CD36: variants seen among roughly 807,000 people sequenced by gnomAD.
CD36 encodes the protein CD36 molecule (CD36 blood group).
CD36 carries 119 observed loss-of-function variants against 55.2 expected under a neutral mutation model. That is an observed-to-expected ratio of 2.15 (90% CI 1.86 to 2.51). The LOEUF (loss-of-function observed/expected upper bound fraction) is 2.51, where lower values mean the gene tolerates loss of function less well. Ranked by LOEUF, CD36 falls within the 30% of genes most tolerant of loss-of-function variation. The probability of loss-of-function intolerance (pLI) is 0.00; values close to 1 mark genes in which losing one functional copy is unlikely to be tolerated. For synonymous variants in CD36, 186 were observed against 193.6 expected (o/e 0.96, Z 0.33); for missense variants, 819 against 555.5 (o/e 1.47, Z -4.77).
In CD36 at chr7:80,663,063, C is replaced by CTATG; in HGVS notation, c.505_508dup (p.Phe170TyrfsTer15). 1.2e-6 allele frequency: 2 copies of CTATG among 1,613,302 alleles called. No individual in the cohort carries two copies. Among genetic ancestry groups the CTATG allele is most frequent in the African/African-American group, 2.7e-5 (2 of 75,002 alleles). On this transcript the variant is annotated frameshift_variant, in exon 6 of 15. Transcript: ENST00000447544. LOFTEE classifies it high-confidence loss of function. The stretch of plus-strand genomic sequence containing the variant: ...TCACTTATTAACAAGTCAAAATCTT[C>CTATG]TATGTTCCAAGTCAGAACTTTGAGA...
chr7:80,640,541 A>G (rs901090245), intron 1 of CD36, among the ~76,000 whole-genome samples: 1 of 152,002 alleles, frequency 6.6e-6, no homozygotes, highest in Non-Finnish European at 1.5e-5. Flanking sequence ...CCAGAACTGA[A>G]TCTACATTTC....
intron 1 of CD36, among the ~76,000 whole-genome samples, chr7:80,631,002 C>T (rs1325620543): frequency 6.6e-6 from 1 of 152,050 alleles, no homozygotes; most frequent in Non-Finnish European, 1.5e-5. Context: ...TGCATACCTA[C>T]ATAACACAGC....
intron 1 of CD36, among the ~76,000 whole-genome samples, chr7:80,642,867 T>C (rs1794911099): frequency 6.6e-6 from 1 of 152,182 alleles, no homozygotes; most frequent in South Asian, 2.1e-4. Context: ...CAATGTTAGA[T>C]TGAGAACTGT....
At chr7:80,673,829 T>C in intron 13 of CD36, 154 bp from the exon 14 acceptor site, 3 of 679,422 alleles carry the variant, frequency 4.4e-6, no homozygotes, top group Non-Finnish European at 7.9e-6. Context: ...TAATTGCCTT[T>C]CTTGACTTGC....
At chr7:80,602,949 C>A (rs1792324474) in intron 1 of CD36, among the ~76,000 whole-genome samples, 8 of 152,060 alleles carry the variant, frequency 5.3e-5, no homozygotes, top group Admixed American at 5.2e-4. Context: ...ACCTAAAAGA[C>A]CAATCTTAAC....
At chr7:80,652,677 C>T (rs1795720319) in intron 3 of CD36, among the ~76,000 whole-genome samples, 1 of 152,028 alleles carries the variant, frequency 6.6e-6, no homozygotes, top group South Asian at 2.1e-4. Context: ...GATTAAATAA[C>T]AGAAAAATAA....
chr7:80,632,308 T>C (rs1330103621), intron 1 of CD36, among the ~76,000 whole-genome samples: 3 of 151,808 alleles, frequency 2.0e-5, no homozygotes, highest in Admixed American at 2.0e-4. Flanking sequence ...ATGTATTATT[T>C]CCTGTGTTTC....
chr7:80,636,406 C>T (rs1260394883), upstream of CD36, among the ~76,000 whole-genome samples: 1 of 151,622 alleles, frequency 6.6e-6, no homozygotes, highest in Non-Finnish European at 1.5e-5. Flanking sequence ...TGATTCATAC[C>T]TTGATAAATC....
chr7:80,669,838 A>C, intron 8 of CD36, 115 bp from the exon 9 acceptor site: 1 of 787,440 alleles, frequency 1.3e-6, no homozygotes, highest in East Asian at 2.4e-5. Context: ...CTGCTAGATA[A>C]ATTACTTAGG....
intron 1 of CD36, among the ~76,000 whole-genome samples, chr7:80,628,035 T>G (rs749307282): frequency 7.2e-5 from 11 of 152,000 alleles, no homozygotes; most frequent in Admixed American, 1.3e-4. Context: ...ACATGCATGA[T>G]GTCTATTAAA....
At chr7:80,652,286 A>G (rs1480571444) in intron 3 of CD36, among the ~76,000 whole-genome samples, 1 of 152,208 alleles carries the variant, frequency 6.6e-6, no homozygotes, top group African/African-American at 2.4e-5. Flanking sequence ...TTTTCATGCC[A>G]AACACAACAT....
At chr7:80,621,496 T>A (rs1421201939) in intron 1 of CD36, among the ~76,000 whole-genome samples, 3 of 152,174 alleles carry the variant, frequency 2.0e-5, no homozygotes. Flanking sequence ...TGGTAATAGG[T>A]GAATAAATAT....
intron 1 of CD36, among the ~76,000 whole-genome samples, chr7:80,639,446 T>G (rs1794666385): frequency 6.6e-6 from 1 of 151,992 alleles, no homozygotes; most frequent in African/African-American, 2.4e-5. Context: ...GGAAGCTTAT[T>G]ACAAATAGTA....
upstream of CD36, among the ~76,000 whole-genome samples, chr7:80,635,111 AAC>A (rs1290989102): frequency 6.6e-6 from 1 of 152,150 alleles, no homozygotes; most frequent in Non-Finnish European, 1.5e-5. Flanking sequence ...GGGGAAGGTT[AAC>A]ACACACTTAA....
rs34516458 is a variant in CD36, at chr7:80,619,653, GA to G, written c.-184+17291del. 3.8e-3 allele frequency among the ~76,000 whole-genome samples: 478 copies of G among 125,956 alleles called. 5 individuals carry two copies. The highest frequency in any genetic ancestry group is 0.014 in the African/African-American group (450 of 33,010). 82.6% of individuals were successfully genotyped at this position (125,956 alleles called of 152,430 possible). The stretch of plus-strand genomic sequence containing the variant: ...CAGAGTAAGACTCTGTCTCAAAACA[GA>G]AAAAAAAAAAAAAAAAGGCTATAAT... On this transcript the variant is annotated intron_variant, in intron 1 of 13. Transcript: ENST00000309881.
chr7:80,645,851 T>G lies in CD36; in HGVS notation c.-183-237T>G, dbSNP rs1046098440. On this transcript the variant is annotated intron_variant, in intron 1 of 14. Transcript: ENST00000447544. Reference sequence around the variant, plus strand: ...TACATTTTATATTTGCTTCAAATTCTTTATACCTGTAGTCTATCCAAAGTC... The same window carrying G: ...TACATTTTATATTTGCTTCAAATTCGTTATACCTGTAGTCTATCCAAAGTC... Among the ~76,000 whole-genome samples the G allele has an allele frequency of 3.9e-4, 60 of 152,170 alleles. 1 individual carries two copies. The highest frequency in any genetic ancestry group is 3.9e-3 in the Admixed American group (60 of 15,262).
At chr7:80,667,742 C>CTTTTGTTTT (rs1562816917) in intron 8 of CD36, among the ~76,000 whole-genome samples, 4 of 92,958 alleles carry the variant, frequency 4.3e-5, no homozygotes, top group African/African-American at 1.5e-4. Flanking sequence ...CAGGGGTTTT[C>CTTTTGTTTT]TTTTGTTTTT....
intron 3 of CD36, among the ~76,000 whole-genome samples, chr7:80,651,664 T>A (rs965802827): frequency 6.6e-6 from 1 of 152,082 alleles, no homozygotes; most frequent in Non-Finnish European, 1.5e-5. Context: ...TCCTAGTACT[T>A]CGGGAGGCTG....
At chr7:80,660,817 G>A (rs1008103902) in intron 4 of CD36, among the ~76,000 whole-genome samples, 1 of 152,032 alleles carries the variant, frequency 6.6e-6, no homozygotes, top group South Asian at 2.1e-4. Context: ...GTTTTCCCAT[G>A]GAGTCTCCAT....
Sources: gnomAD v4.1 joint callset for allele counts (sites outside exome capture counted in the v4.1 genomes callset) on GRCh38, gnomAD v4.1.1 for gene constraint, MANE v1.5 for transcripts, NCBI Gene and HGNC (gene_info 2026-07-23, HGNC 2026-07-21) for gene names.